PPP3CA: variants seen among roughly 807,000 people sequenced by gnomAD.
The protein encoded by PPP3CA is protein phosphatase 3 catalytic subunit alpha, also known as CAM-PRP catalytic subunit.
A neutral mutation model predicts 66.5 loss-of-function variants in PPP3CA; 14 were observed. That is an observed-to-expected ratio of 0.21 (90% CI 0.14 to 0.33). The LOEUF (loss-of-function observed/expected upper bound fraction) is 0.33. Among genes scored for constraint, PPP3CA ranks in the 10% least tolerant of loss-of-function variants. The pLI is 1.00. For synonymous variants in PPP3CA, 232 were observed against 226.2 expected, an observed-to-expected ratio of 1.03 and a Z score of -0.23; for missense variants, 317 against 639.5, an observed-to-expected ratio of 0.50 and a Z score of 5.44.
chr4:101,048,509 CAAAAAAAAAAAA>C (rs59988569), intron 10 of PPP3CA, among the ~76,000 whole-genome samples: 32 of 66,320 alleles, frequency 4.8e-4, no homozygotes, highest in Non-Finnish European at 6.3e-4. Context: ...TTTCTCTCAC[CAAAAAAAAAAAA>C]AAAAAAAAAA....
At chr4:101,200,947 G>C (rs1406742249) in intron 1 of PPP3CA, among the ~76,000 whole-genome samples, 1 of 152,002 alleles carries the variant, frequency 6.6e-6, no homozygotes, top group East Asian at 1.9e-4. Flanking sequence ...TATGGCTTTT[G>C]ACTACTCAAA....
At chr4:101,325,470 A>T (rs1186061888) in intron 1 of PPP3CA, among the ~76,000 whole-genome samples, 1 of 152,234 alleles carries the variant, frequency 6.6e-6, no homozygotes, top group Non-Finnish European at 1.5e-5. Flanking sequence ...TTTCATTTTT[A>T]TGTAAAAGAG....
At chr4:101,105,601 G>A (rs913221394) in intron 3 of PPP3CA, among the ~76,000 whole-genome samples, 36 of 152,024 alleles carry the variant, frequency 2.4e-4, no homozygotes, top group African/African-American at 7.7e-4. Flanking sequence ...ACAAAAAAAG[G>A]TAAATAAAGA....
At chr4:101,104,178 C>T (rs555298888) in intron 3 of PPP3CA, among the ~76,000 whole-genome samples, 6 of 152,202 alleles carry the variant, frequency 3.9e-5, no homozygotes, top group South Asian at 2.1e-4. Context: ...TGAAGTGCTC[C>T]CCTTTGCCCA....
chr4:101,091,563 CTTTAA>C (rs547511564), intron 6 of PPP3CA, among the ~76,000 whole-genome samples: 9 of 152,048 alleles, frequency 5.9e-5, no homozygotes, highest in African/African-American at 1.9e-4. Context: ...TATTCATGAA[CTTTAA>C]TTTATCAATC....
At chr4:101,245,069 T>C (rs1726435027) in intron 1 of PPP3CA, among the ~76,000 whole-genome samples, 2 of 152,190 alleles carry the variant, frequency 1.3e-5, no homozygotes, top group African/African-American at 4.8e-5. Flanking sequence ...GTGAATAGTT[T>C]TTCCATACTA....
At chr4:101,174,392 C>T (rs1218560633) in intron 2 of PPP3CA, among the ~76,000 whole-genome samples, 1 of 152,108 alleles carries the variant, frequency 6.6e-6, no homozygotes, top group Non-Finnish European at 1.5e-5. Context: ...CACTAAAGTG[C>T]AATGACTTTA....
intron 6 of PPP3CA, among the ~76,000 whole-genome samples, chr4:101,093,366 T>C (rs1463039374): frequency 6.6e-6 from 1 of 152,078 alleles, no homozygotes; most frequent in Non-Finnish European, 1.5e-5. Flanking sequence ...ATGAGCATTG[T>C]TTAGCAATGA....
Position 101,026,063 on chromosome 4 carries a change from T to G in PPP3CA, c.1370-2A>C. On this transcript the variant is annotated splice_acceptor_variant, in intron 13 of 13. Coordinates refer to ENST00000394854, the MANE Select transcript of PPP3CA (RefSeq NM_000944.5). LOFTEE classifies it high-confidence loss of function. The stretch of plus-strand genomic sequence containing the variant: ...GTTGTGGTGAAAATCCTTTGATAGC[T>G]AAACAGAAAATCATTAAAAAAAGAA... 6.3e-7 allele frequency: 1 copy of G among 1,579,198 alleles called. No homozygotes were observed. The highest frequency in any genetic ancestry group is 8.6e-7 in the Non-Finnish European group (1 of 1,163,954).
chr4:101,085,129 T>C (rs1216769231), intron 6 of PPP3CA, among the ~76,000 whole-genome samples: 1 of 152,262 alleles, frequency 6.6e-6, no homozygotes, highest in Non-Finnish European at 1.5e-5. Flanking sequence ...ATATATTAGC[T>C]ATAAAAGGCC....
chr4:101,131,136 T>C (rs932585822), intron 2 of PPP3CA, among the ~76,000 whole-genome samples: 18 of 151,924 alleles, frequency 1.2e-4, no homozygotes, highest in African/African-American at 4.4e-4. Flanking sequence ...CTTGGAAGGC[T>C]GAGGCAGGAG....
intron 1 of PPP3CA, among the ~76,000 whole-genome samples, chr4:101,343,747 G>C (rs1578206782): frequency 1.3e-5 from 2 of 151,904 alleles, no homozygotes; most frequent in African/African-American, 4.8e-5. Flanking sequence ...AACCGATCAG[G>C]GTCTCTGAAT....
intron 1 of PPP3CA, among the ~76,000 whole-genome samples, chr4:101,257,510 TTAATA>T (rs1363301852): frequency 1.3e-5 from 2 of 152,078 alleles, no homozygotes; most frequent in East Asian, 3.9e-4. Flanking sequence ...GTTTAATATA[TTAATA>T]TATTTAAAGT....
At chr4:101,321,747 G>A (rs532593148) in intron 1 of PPP3CA, among the ~76,000 whole-genome samples, 32 of 152,174 alleles carry the variant, frequency 2.1e-4, no homozygotes, top group Non-Finnish European at 4.1e-4. Flanking sequence ...GCTGCACAAA[G>A]GTTCAAAACT....
intron 10 of PPP3CA, among the ~76,000 whole-genome samples, chr4:101,052,850 C>G (rs1728070053): frequency 6.6e-6 from 1 of 151,846 alleles, no homozygotes; most frequent in African/African-American, 2.4e-5. Flanking sequence ...TATTTTTTGG[C>G]TTTTCAGAAG....
chr4:101,106,315 G>A (rs1730669508), intron 3 of PPP3CA, among the ~76,000 whole-genome samples: 1 of 149,690 alleles, frequency 6.7e-6, no homozygotes, highest in South Asian at 2.1e-4. Flanking sequence ...AGCTATGACT[G>A]TGCTACTGCA....
At chr4:101,214,177 T>C (rs1355415715) in intron 1 of PPP3CA, among the ~76,000 whole-genome samples, 1 of 152,144 alleles carries the variant, frequency 6.6e-6, no homozygotes, top group East Asian at 1.9e-4. Context: ...GGTTACAAAG[T>C]TGGGCTTGCC....
chr4:101,029,545 T>C (rs946023921), intron 12 of PPP3CA, among the ~76,000 whole-genome samples: 6 of 152,024 alleles, frequency 3.9e-5, no homozygotes, highest in Admixed American at 2.6e-4. Context: ...AAATCTCAAC[T>C]GTGCTTCTGA....
chr4:101,033,319 C>T (rs1008420393), intron 11 of PPP3CA, among the ~76,000 whole-genome samples: 3 of 141,356 alleles, frequency 2.1e-5, no homozygotes, highest in African/African-American at 8.8e-5. Flanking sequence ...CACACACACA[C>T]ACACACACAC....
Sources: allele counts gnomAD v4.1 joint callset (sites outside exome capture counted in the v4.1 genomes callset), GRCh38; gene constraint gnomAD v4.1.1; transcripts MANE v1.5; gene names NCBI Gene and HGNC (gene_info 2026-07-23, HGNC 2026-07-21).